AKAP6: variants seen among roughly 807,000 people sequenced by gnomAD.
AKAP6 encodes the protein A-kinase anchoring protein 6.
A neutral mutation model predicts 188.5 loss-of-function variants in AKAP6; 58 were observed. The ratio of observed to expected loss-of-function variants is 0.31; its 90% CI spans 0.25 to 0.38. AKAP6 has a LOEUF of 0.38. Ranked by LOEUF, AKAP6 falls within the 10% of genes least tolerant of loss-of-function variation. The probability of loss-of-function intolerance (pLI) is 1.00; values close to 1 mark genes in which losing one functional copy is unlikely to be tolerated. For missense variants in AKAP6, 2,710 were observed against 2,740.0 expected (o/e 0.99, Z 0.24); for synonymous variants, 989 against 998.6 (o/e 0.99, Z 0.18).
intron 12 of AKAP6, among the ~76,000 whole-genome samples, chr14:32,780,155 A>AAAATATATATATATATATATATATATAT (rs1555361856): frequency 2.2e-5 from 2 of 91,444 alleles, no homozygotes; most frequent in African/African-American, 8.2e-5. Context: ...TGAAAAAAAA[A>AAAATATATATATATATATATATATATAT]ACATATATAT....
At chr14:32,813,650 A>G (rs924487291) in intron 12 of AKAP6, among the ~76,000 whole-genome samples, 5 of 152,148 alleles carry the variant, frequency 3.3e-5, no homozygotes, top group Non-Finnish European at 7.4e-5. Context: ...TATATTTCCT[A>G]TTATACCACA....
At chr14:32,696,866 C>G (rs1252686557) in intron 9 of AKAP6, among the ~76,000 whole-genome samples, 1 of 151,390 alleles carries the variant, frequency 6.6e-6, no homozygotes, top group Non-Finnish European at 1.5e-5. Context: ...GAGGGACTTT[C>G]CACTGAAATA....
chr14:32,669,244 A>G (rs1239487864), intron 7 of AKAP6, among the ~76,000 whole-genome samples: 1 of 152,212 alleles, frequency 6.6e-6, no homozygotes, highest in African/African-American at 2.4e-5. Context: ...CTCCAAATAA[A>G]TACATTGCTC....
At chr14:32,453,888 T>C (rs1891033813) in intron 2 of AKAP6, among the ~76,000 whole-genome samples, 1 of 152,188 alleles carries the variant, frequency 6.6e-6, no homozygotes, top group Non-Finnish European at 1.5e-5. Context: ...CCCGGCCGAA[T>C]TTTTCAAACT....
chr14:32,771,387 A>G (rs541716291), intron 11 of AKAP6, among the ~76,000 whole-genome samples: 296 of 151,592 alleles, frequency 2.0e-3, no homozygotes, highest in African/African-American at 6.3e-3. Flanking sequence ...CAAAAATCAG[A>G]TATTGAATAT....
At chr14:32,749,411 G>A (rs1408930544) in intron 11 of AKAP6, among the ~76,000 whole-genome samples, 1 of 152,166 alleles carries the variant, frequency 6.6e-6, no homozygotes, top group African/African-American at 2.4e-5. Flanking sequence ...CATCGAAAAT[G>A]ATACTGCAAA....
intron 1 of AKAP6, among the ~76,000 whole-genome samples, chr14:32,410,209 G>T (rs950222865): frequency 4.9e-4 from 74 of 151,780 alleles, no homozygotes; most frequent in Middle Eastern, 6.8e-3. Context: ...ACCCTTTTAA[G>T]TCCAATAAGA....
At chr14:32,364,612 C>G (rs1594543553) in intron 1 of AKAP6, among the ~76,000 whole-genome samples, 1 of 152,170 alleles carries the variant, frequency 6.6e-6, no homozygotes, top group Non-Finnish European at 1.5e-5. Context: ...TATCCTCCCT[C>G]TCCACTCCAA....
intron 1 of AKAP6, among the ~76,000 whole-genome samples, chr14:32,431,265 T>C (rs1389642465): frequency 1.3e-5 from 2 of 152,154 alleles, no homozygotes; most frequent in African/African-American, 4.8e-5. Context: ...CTAGTATTAT[T>C]ATTACTTGTA....
At chr14:32,450,746 C>CT (rs145528089) in intron 2 of AKAP6, among the ~76,000 whole-genome samples, 6,131 of 152,118 alleles carry the variant, frequency 0.04, 185 homozygotes, top group Middle Eastern at 0.078. Context: ...GCTTCAATAT[C>CT]TTTTCTTGAG....
intron 7 of AKAP6, among the ~76,000 whole-genome samples, chr14:32,610,339 C>A (rs185628968): frequency 6.6e-6 from 1 of 152,320 alleles, no homozygotes; most frequent in African/African-American, 2.4e-5. Context: ...TTTACCCACC[C>A]TTTTCCAAAT....
At chr14:32,803,241 C>G (rs1017822433) in intron 12 of AKAP6, among the ~76,000 whole-genome samples, 9 of 148,312 alleles carry the variant, frequency 6.1e-5, no homozygotes, top group Non-Finnish European at 1.3e-4. Flanking sequence ...GTCAGGAGTT[C>G]AAGACCAGCC....
chr14:32,337,689 A>G (rs1299188090), intron 1 of AKAP6, among the ~76,000 whole-genome samples: 1 of 151,918 alleles, frequency 6.6e-6, no homozygotes, highest in Non-Finnish European at 1.5e-5. Flanking sequence ...GTCATTTAGC[A>G]TTAGGTATAT....
At chr14:32,751,941 G>A (rs1955503) in intron 11 of AKAP6, among the ~76,000 whole-genome samples, 92,205 of 152,014 alleles carry the variant, frequency 0.61, 31,056 homozygotes, top group Admixed American at 0.75. Context: ...CTCTTTTTTG[G>A]TATTAACTTA....
At chr14:32,778,833 C>T (rs1465930199) in intron 12 of AKAP6, among the ~76,000 whole-genome samples, 1 of 150,196 alleles carries the variant, frequency 6.7e-6, no homozygotes, top group East Asian at 2.0e-4. Context: ...AGGCATGAGT[C>T]GCCATGCCTA....
intron 7 of AKAP6, among the ~76,000 whole-genome samples, chr14:32,606,527 G>A (rs1886132494): frequency 6.6e-6 from 1 of 152,148 alleles, no homozygotes; most frequent in Non-Finnish European, 1.5e-5. Flanking sequence ...CTGAAAGCAT[G>A]CAACAACAGT....
intron 9 of AKAP6, among the ~76,000 whole-genome samples, chr14:32,713,100 C>T (rs1594872764): frequency 6.6e-6 from 1 of 152,190 alleles, no homozygotes; most frequent in Non-Finnish European, 1.5e-5. Context: ...TAGTAATCTC[C>T]TTGTACATCT....
Position 32,546,195 on chromosome 14 carries a change from G to T in AKAP6, c.1542G>T (p.Gly514=), listed in dbSNP as rs766467200. 9.3e-6 allele frequency: 15 copies of T among 1,614,030 alleles called. No individual in the cohort carries two copies. Among genetic ancestry groups the T allele is most frequent in the Admixed American group, 1.7e-5 (1 of 59,996 alleles). The part of the protein sequence containing the change: ...EVPPCRTPKR[G]TGSGKQAKNT... Reference sequence around the variant, plus strand: ...CTCCATGCCGAACACCTAAACGGGGGACTGGTTCAGGCAAACAAGCTAAAA... The same window carrying T: ...CTCCATGCCGAACACCTAAACGGGGTACTGGTTCAGGCAAACAAGCTAAAA... Residue 514 remains glycine (G), a synonymous_variant, in exon 4 of 14, where the codon GGG becomes GGT. Coordinates refer to ENST00000280979, the MANE Select transcript of AKAP6 (RefSeq NM_004274.5).
chr14:32,531,037 A>G (rs1193989336), intron 2 of AKAP6, among the ~76,000 whole-genome samples: 1 of 152,194 alleles, frequency 6.6e-6, no homozygotes, highest in African/African-American at 2.4e-5. Flanking sequence ...AGCAGCTTCA[A>G]TTTTGAGACA....
Sources: allele counts gnomAD v4.1 joint callset (sites outside exome capture counted in the v4.1 genomes callset), GRCh38; gene constraint gnomAD v4.1.1; transcripts MANE v1.5; gene names NCBI Gene and HGNC (gene_info 2026-07-23, HGNC 2026-07-21).